Variants in FAM193B observed in about 807,000 individuals in gnomAD.
The protein encoded by FAM193B is family with sequence similarity 193 member B, also known as protein FAM193B.
A neutral mutation model predicts 70.7 loss-of-function variants in FAM193B; 27 were observed. That is an observed-to-expected ratio of 0.38 (90% confidence interval 0.28 to 0.53). The LOEUF (loss-of-function observed/expected upper bound fraction) is 0.53. Among genes scored for constraint, FAM193B ranks in the 20% least tolerant of loss-of-function variants. The probability of loss-of-function intolerance (pLI) is 0.81; values close to 1 mark genes in which losing one functional copy is unlikely to be tolerated. For missense variants in FAM193B, 1,022 were observed against 1,072.5 expected (o/e 0.95, Z 0.66); for synonymous variants, 448 against 436.0 (o/e 1.03, Z -0.34).
chr5:177,546,783 T>A (rs1259813976), intron 1 of FAM193B, among the ~76,000 whole-genome samples: 3 of 152,182 alleles, frequency 2.0e-5, no homozygotes, highest in Admixed American at 1.3e-4. Context: ...ACAAGCTCGG[T>A]TGGGAGTGAG....
rs377666621 is a variant in FAM193B, at chr5:177,537,915, C to A, written c.646G>T (p.Ala216Ser). Reference sequence around the variant, plus strand: ...CTCCCAAGAGAGCTGCCTGGCATGGCCCCACTGGAATGTGGGGAATTCCAG... The same window carrying A: ...CTCCCAAGAGAGCTGCCTGGCATGGACCCACTGGAATGTGGGGAATTCCAG... ...GLWNSPHSSGAMPGSSLGSPP... is the reference protein window; with the variant it reads ...GLWNSPHSSGSMPGSSLGSPP... Residue 216 changes from alanine to serine, a missense_variant, in exon 3 of 9, where the codon GCC becomes TCC. Coordinates refer to ENST00000514747, the MANE Select transcript of FAM193B (RefSeq NM_001190946.3). The A allele has an allele frequency of 5.3e-5, 85 of 1,602,248 alleles. No homozygotes were observed. The Admixed American group carries it at 1.2e-3, about 22-fold the overall frequency.
At chr5:177,543,921 T>C (rs1765132139) in intron 1 of FAM193B, among the ~76,000 whole-genome samples, 1 of 152,250 alleles carries the variant, frequency 6.6e-6, no homozygotes, top group South Asian at 2.1e-4. Flanking sequence ...TCCAACCATT[T>C]TTCTTCATCA....
intron 1 of FAM193B, among the ~76,000 whole-genome samples, chr5:177,542,920 G>A (rs1163207410): frequency 1.3e-5 from 2 of 152,036 alleles, no homozygotes; most frequent in Non-Finnish European, 2.9e-5. Context: ...GGACTCAGTG[G>A]GCCATGTGGT....
At chr5:177,548,022 C>G (rs143067917) in intron 1 of FAM193B, among the ~76,000 whole-genome samples, 1 of 152,304 alleles carries the variant, frequency 6.6e-6, no homozygotes, top group East Asian at 1.9e-4. Context: ...TCCTTCTCTG[C>G]TTCTGCACAT....
chr5:177,531,867 A>T, intron 5 of FAM193B: 1 of 1,178,036 alleles, frequency 8.5e-7, no homozygotes, highest in Non-Finnish European at 1.1e-6. Context: ...AATAACCCCT[A>T]GCTCAAAGGT....
intron 1 of FAM193B, 29 bp from the exon 2 acceptor site, chr5:177,539,176 C>T: frequency 6.6e-7 from 1 of 1,521,142 alleles, no homozygotes; most frequent in East Asian, 2.5e-5. Flanking sequence ...CAGGGTTTCC[C>T]AGGAGGGGAA....
Position 177,538,251 on chromosome 5 carries a change from T to G in FAM193B, c.454-144A>C. 1 of 831,960 alleles carries G rather than the reference T, an allele frequency of 1.2e-6. No individual in the cohort carries two copies. The highest frequency in any genetic ancestry group is 1.8e-6 in the Non-Finnish European group (1 of 551,070). The allele number at this position is 831,960 out of a possible 1,614,324, so 51.5% of individuals were successfully genotyped here. A position where few individuals can be genotyped will look rare whatever the true frequency, so the allele number is the denominator to read the frequency against. On this transcript the variant is annotated intron_variant, in intron 2 of 8. Transcript: ENST00000514747. The surrounding 1 kb of genome is among the most constrained non-coding windows in gnomAD (Gnocchi z 4.1). ...AACACAATTAATACAACTCCAGCTATAAGAACAAATGAGGGCCAGGCCTTT... is the reference window on the plus strand; with the variant it reads ...AACACAATTAATACAACTCCAGCTAGAAGAACAAATGAGGGCCAGGCCTTT...
chr5:177,538,896 GT>G lies in FAM193B; in HGVS notation c.453+8del. The G allele has an allele frequency of 6.2e-7, 1 of 1,613,220 alleles. No individual in the cohort carries two copies. Among genetic ancestry groups the G allele is most frequent in the Non-Finnish European group, 8.5e-7 (1 of 1,179,278 alleles). ...CTGCATTCAGGGACCCCTGTCAGCGGTTACCTACCGCCACTGCATGTTCTCG... is the reference window on the plus strand; with the variant it reads ...CTGCATTCAGGGACCCCTGTCAGCGGTACCTACCGCCACTGCATGTTCTCG... On this transcript the variant is annotated splice_region_variant and intron_variant, in intron 2 of 8. Coordinates refer to ENST00000514747, the MANE Select transcript of FAM193B (RefSeq NM_001190946.3). The surrounding 1 kb of genome is among the most constrained non-coding windows in gnomAD (Gnocchi z 4.1).
intron 1 of FAM193B, among the ~76,000 whole-genome samples, chr5:177,543,055 G>T (rs941412273): frequency 8.5e-5 from 13 of 152,150 alleles, no homozygotes; most frequent in African/African-American, 3.1e-4. Context: ...CTCCAGAATG[G>T]TTCCAATCTT....
At chr5:177,551,970 T>C in intron 1 of FAM193B, 1 of 954,452 alleles carries the variant, frequency 1.0e-6, no homozygotes, top group Non-Finnish European at 1.2e-6. Context: ...AGAACCGAAT[T>C]TACCAGTTTG....
At chr5:177,548,802 C>T (rs1581939529) in intron 1 of FAM193B, among the ~76,000 whole-genome samples, 1 of 152,196 alleles carries the variant, frequency 6.6e-6, no homozygotes, top group African/African-American at 2.4e-5. Flanking sequence ...AAGCACATCA[C>T]GTTCTCTTTC....
intron 1 of FAM193B, chr5:177,539,486 T>G: frequency 4.3e-6 from 1 of 234,662 alleles, no homozygotes; most frequent in Non-Finnish European, 8.5e-6. Context: ...AAGATGGCCC[T>G]TCCCTCTCTG....
intron 4 of FAM193B, among the ~76,000 whole-genome samples, chr5:177,534,571 G>C (rs1763954899): frequency 6.6e-6 from 1 of 151,838 alleles, no homozygotes; most frequent in African/African-American, 2.4e-5. Flanking sequence ...CAAAGTGCTG[G>C]GATTACAGGA....
chr5:177,539,828 C>T (rs972049352), intron 1 of FAM193B, among the ~76,000 whole-genome samples: 1 of 152,172 alleles, frequency 6.6e-6, no homozygotes, highest in East Asian at 1.9e-4. Flanking sequence ...CACATACTGG[C>T]TGGGTGACCT....
intron 1 of FAM193B, among the ~76,000 whole-genome samples, chr5:177,546,630 TAA>T (rs762544959): frequency 4.6e-5 from 7 of 151,884 alleles, no homozygotes; most frequent in East Asian, 1.9e-4. Flanking sequence ...CAGTTAATTC[TAA>T]GAGAGCTGAC....
chr5:177,553,728 G>A, intron 1 of FAM193B: 1 of 1,287,886 alleles, frequency 7.8e-7, no homozygotes, highest in Non-Finnish European at 1.0e-6. Context: ...CTGGCTGTCT[G>A]CTCCAACTGC....
At position 177,524,407 on chromosome 5, in the gene FAM193B, C is replaced by T; in HGVS notation, c.2074G>A (p.Gly692Arg). 2.5e-6 allele frequency: 4 copies of T among 1,583,724 alleles called. No individual in the cohort carries two copies. Among genetic ancestry groups the T allele is most frequent in the Non-Finnish European group, 3.4e-6 (4 of 1,165,854 alleles). ...KVGSCAEAGE[G>R]SRGSRPGPGW... ...GGTCCTGGCCGGCTCCCCCGGCTCC[C>T]CTCTCCAGCCTCAGCACAGCTGCCT... The change falls in exon 6 of 9, where the codon GGG becomes AGG. Residue 692 changes from glycine (G) to arginine (R), a missense_variant. Coordinates refer to ENST00000514747, the MANE Select transcript of FAM193B (RefSeq NM_001190946.3).
intron 1 of FAM193B, among the ~76,000 whole-genome samples, chr5:177,551,387 C>G (rs999551825): frequency 6.6e-6 from 1 of 152,020 alleles, no homozygotes; most frequent in Admixed American, 6.5e-5. Flanking sequence ...GTTTAGTGGC[C>G]TGAAACAATT....
At chr5:177,522,400 AC>A (rs1323589402) in intron 7 of FAM193B, among the ~76,000 whole-genome samples, 3 of 152,166 alleles carry the variant, frequency 2.0e-5, no homozygotes, top group Non-Finnish European at 4.4e-5. Context: ...GGGATTAGTT[AC>A]CCAGATACCA....
Sources: allele counts gnomAD v4.1 joint callset (sites outside exome capture counted in the v4.1 genomes callset), GRCh38; gene constraint gnomAD v4.1.1; non-coding constraint Gnocchi (gnomAD v3.1); transcripts MANE v1.5; gene names NCBI Gene and HGNC (gene_info 2026-07-23, HGNC 2026-07-21).